The following PDE1C variants were observed in gnomAD, a reference collection of about 807,000 sequenced individuals.
PDE1C encodes the protein dual specificity calcium/calmodulin-dependent 3',5'-cyclic nucleotide phosphodiesterase 1C.
Under a neutral mutation model 93.1 loss-of-function variants are expected in PDE1C, and 62 were observed. The ratio of observed to expected loss-of-function variants is 0.67; its 90% confidence interval spans 0.54 to 0.82. The LOEUF (loss-of-function observed/expected upper bound fraction) is 0.82. Among genes scored for constraint, PDE1C ranks in the 40% least tolerant of loss-of-function variants. PDE1C has a pLI of 0.00. For missense variants in PDE1C, 742 were observed against 884.6 expected, an observed-to-expected ratio of 0.84 and a Z score of 2.04; for synonymous variants, 325 against 310.1, an observed-to-expected ratio of 1.05 and a Z score of -0.50.
At chr7:31,937,615 A>G (rs1805274848) in intron 2 of PDE1C, among the ~76,000 whole-genome samples, 1 of 152,174 alleles carries the variant, frequency 6.6e-6, no homozygotes. Flanking sequence ...TTTTGGGTTT[A>G]CAGTTCCACG....
intron 1 of PDE1C, among the ~76,000 whole-genome samples, chr7:32,388,309 A>C (rs565992979): frequency 6.6e-6 from 1 of 152,322 alleles, no homozygotes; most frequent in African/African-American, 2.4e-5. Flanking sequence ...CCATAAATCA[A>C]GAGAGATGAG....
At chr7:32,332,704 T>C (rs1783539849) in intron 1 of PDE1C, among the ~76,000 whole-genome samples, 1 of 152,092 alleles carries the variant, frequency 6.6e-6, no homozygotes, top group African/African-American at 2.4e-5. Flanking sequence ...TATGTAGAAA[T>C]GAAAGTGAAT....
chr7:31,807,282 T>C (rs942869505), intron 16 of PDE1C, among the ~76,000 whole-genome samples: 1 of 151,910 alleles, frequency 6.6e-6, no homozygotes, highest in Non-Finnish European at 1.5e-5. Flanking sequence ...CATTAAAAAA[T>C]GTCTCTTTTA....
At chr7:31,982,067 C>T (rs1235223783) in intron 2 of PDE1C, among the ~76,000 whole-genome samples, 1 of 152,186 alleles carries the variant, frequency 6.6e-6, no homozygotes, top group African/African-American at 2.4e-5. Context: ...CATGATATTC[C>T]ACTTGAAGTG....
the PDE1C span, among the ~76,000 whole-genome samples, chr7:31,640,523 G>A: frequency 9.0e-4 from 137 of 152,316 alleles, 1 homozygote; most frequent in Admixed American, 1.6e-3. Flanking sequence ...CCCTTCTCAT[G>A]CCAAGACCTG....
the PDE1C span, among the ~76,000 whole-genome samples, chr7:31,734,657 C>T: frequency 1.4e-4 from 21 of 151,854 alleles, no homozygotes; most frequent in African/African-American, 4.8e-4. Context: ...GAGCAATTAT[C>T]GAAAAAAATC....
chr7:32,206,228 T>C (rs541646655), intron 2 of PDE1C, among the ~76,000 whole-genome samples: 2 of 151,922 alleles, frequency 1.3e-5, no homozygotes, highest in South Asian at 2.1e-4. Flanking sequence ...GATTTGGGGA[T>C]TGTGTATGCT....
intron 16 of PDE1C, among the ~76,000 whole-genome samples, chr7:31,781,250 C>G (rs1464947479): frequency 2.0e-5 from 3 of 152,182 alleles, no homozygotes; most frequent in Admixed American, 6.5e-5. Flanking sequence ...TGGGGTTAGC[C>G]TGGCCAAGCC....
intron 3 of PDE1C, among the ~76,000 whole-genome samples, chr7:32,110,551 A>G (rs1178324611): frequency 6.6e-6 from 1 of 152,198 alleles, no homozygotes; most frequent in Non-Finnish European, 1.5e-5. Context: ...TAAGATGCCA[A>G]TGAATCATCA....
At chr7:32,008,716 C>A (rs1326849556) in intron 2 of PDE1C, among the ~76,000 whole-genome samples, 1 of 151,874 alleles carries the variant, frequency 6.6e-6, no homozygotes, top group African/African-American at 2.4e-5. Context: ...AATTCATACG[C>A]ACATCTGCAC....
At chr7:32,201,248 C>T (rs1481031629) in intron 2 of PDE1C, among the ~76,000 whole-genome samples, 1 of 152,228 alleles carries the variant, frequency 6.6e-6, no homozygotes, top group Non-Finnish European at 1.5e-5. Context: ...TTATCCTCGT[C>T]TGTCTCTTGC....
the PDE1C span, among the ~76,000 whole-genome samples, chr7:31,618,013 C>A: frequency 6.6e-6 from 1 of 152,100 alleles, no homozygotes; most frequent in East Asian, 1.9e-4. Context: ...GCTGTCAGAG[C>A]GTTTCCAGTA....
chr7:32,071,160 G>A (rs1263669507), upstream of PDE1C: 5 of 985,352 alleles, frequency 5.1e-6, no homozygotes, highest in Non-Finnish European at 6.0e-6. Context: ...GGGCAGCCGC[G>A]GCCACCACCG....
Position 32,147,325 on chromosome 7 carries a change from A to G in PDE1C, c.308+22460T>C, listed in dbSNP as rs185111257. ...GAAAGAAAGAAAGAAAGAAAGAAAG[A>G]AAGAAAGACGCTGTTTGTAGGTATG... On this transcript the variant is annotated intron_variant, in intron 3 of 18. Coordinates refer to the PDE1C transcript ENST00000396193. Among the ~76,000 whole-genome samples the G allele has an allele frequency of 1.5e-3, 218 of 147,120 alleles. No homozygotes were observed. The East Asian group carries it at 0.016, about 11-fold the overall frequency.
At chr7:32,058,670 G>A (rs1179645691) in intron 1 of PDE1C, among the ~76,000 whole-genome samples, 1 of 152,186 alleles carries the variant, frequency 6.6e-6, no homozygotes, top group African/African-American at 2.4e-5. Flanking sequence ...CATGATGCAT[G>A]TATTAAAAAC....
At chr7:31,731,253 G>T in the PDE1C span, among the ~76,000 whole-genome samples, 4 of 152,080 alleles carry the variant, frequency 2.6e-5, no homozygotes, top group African/African-American at 9.7e-5. Context: ...GAACCCGCAG[G>T]ACCCGTGTAG....
intron 16 of PDE1C, among the ~76,000 whole-genome samples, chr7:31,802,909 G>A (rs1786248408): frequency 6.6e-6 from 1 of 151,566 alleles, no homozygotes; most frequent in Non-Finnish European, 1.5e-5. Flanking sequence ...TATTCCCTGT[G>A]CTTGAGATGT....
At chr7:32,013,474 T>C (rs1287447572) in intron 2 of PDE1C, among the ~76,000 whole-genome samples, 1 of 152,236 alleles carries the variant, frequency 6.6e-6, no homozygotes, top group Non-Finnish European at 1.5e-5. Context: ...ACATCCACCC[T>C]ACTGCTGTGT....
chr7:32,341,179 T>TTATTTTATTTTATTTTA (rs1370026260), intron 1 of PDE1C, among the ~76,000 whole-genome samples: 1 of 111,498 alleles, frequency 9.0e-6, no homozygotes, highest in East Asian at 2.8e-4. Flanking sequence ...AAGTCTTTTT[T>TTATTTTATTTTATTTTA]TTTTTTTTTT....
Sources: allele counts gnomAD v4.1 joint callset (sites outside exome capture counted in the v4.1 genomes callset), GRCh38; gene constraint gnomAD v4.1.1; transcripts MANE v1.5; gene names NCBI Gene and HGNC (gene_info 2026-07-23, HGNC 2026-07-21).